Variants in ABCB11 observed in about 807,000 individuals in gnomAD.
The protein encoded by ABCB11 is bile salt export pump.
In ABCB11, 95 loss-of-function variants were observed where a neutral mutation model predicts 148.0. The observed-to-expected ratio is 0.64, with a 90% CI of 0.54 to 0.76. The LOEUF is 0.76. Among genes scored for constraint, ABCB11 ranks in the 30% least tolerant of loss-of-function variants. The probability of loss-of-function intolerance (pLI) is 0.00; values close to 1 mark genes in which losing one functional copy is unlikely to be tolerated. For synonymous variants in ABCB11, 591 were observed against 555.4 expected (o/e 1.06, Z -0.90); for missense variants, 1,523 against 1,617.8 (o/e 0.94, Z 1.01).
chr2:169,007,451 G>A (rs745377094), intron 5 of ABCB11, among the ~76,000 whole-genome samples: 1 of 152,122 alleles, frequency 6.6e-6, no homozygotes, highest in Non-Finnish European at 1.5e-5. Context: ...GTTTAGTTGG[G>A]TCACAATTCT....
intron 21 of ABCB11, among the ~76,000 whole-genome samples, chr2:168,942,328 T>C (rs918723964): frequency 1.3e-5 from 2 of 151,812 alleles, no homozygotes; most frequent in African/African-American, 4.8e-5. Context: ...TGTGTGCATA[T>C]GAATTTCACC....
chr2:169,016,918 ATT>A, intron 2 of ABCB11, 119 bp from the exon 3 acceptor site: 1 of 732,938 alleles, frequency 1.4e-6, no homozygotes, highest in African/African-American at 1.8e-5. Context: ...TTCATGGAAT[ATT>A]AGCAAATGAC....
chr2:168,932,870 G>A (rs930875157), intron 23 of ABCB11, among the ~76,000 whole-genome samples: 1 of 152,116 alleles, frequency 6.6e-6, no homozygotes, highest in Non-Finnish European at 1.5e-5. Context: ...AGCACCTTGG[G>A]AGGCCGAGGC....
At chr2:168,931,937 A>G (rs954969804) in intron 24 of ABCB11, among the ~76,000 whole-genome samples, 2 of 152,234 alleles carry the variant, frequency 1.3e-5, no homozygotes, top group African/African-American at 2.4e-5. Context: ...TTGTATGGCC[A>G]TCCCTAATGG....
rs1694075460 is a variant in ABCB11 at position 168,979,857 on chromosome 2, T to C, written c.1197+9A>G. On this transcript the variant is annotated intron_variant, in intron 11 of 27. Coordinates refer to ENST00000650372, the MANE Select transcript of ABCB11 (RefSeq NM_003742.4). ...CTGTTAATGGCCTTTACTTTTGGCT[T>C]ATACATACCCTGTCTATTGTCTCAA... 1 of 1,590,420 alleles carries C rather than the reference T, an allele frequency of 6.3e-7. No individual in the cohort carries two copies. The highest frequency in any genetic ancestry group is 1.1e-5 in the South Asian group (1 of 89,922).
chr2:168,973,579 T>TC, intron 13 of ABCB11, 136 bp downstream of exon 13: 2 of 1,109,804 alleles, frequency 1.8e-6, no homozygotes, highest in Non-Finnish European at 2.5e-6. Context: ...GTCCCATCAA[T>TC]TCAGTAACAA....
At chr2:168,988,352 A>G (rs1694399131) in intron 9 of ABCB11, among the ~76,000 whole-genome samples, 1 of 152,130 alleles carries the variant, frequency 6.6e-6, no homozygotes, top group East Asian at 1.9e-4. Flanking sequence ...CAGTGAGATC[A>G]TGGGGTATTT....
chr2:168,933,772 T>C (rs541118161), intron 23 of ABCB11, among the ~76,000 whole-genome samples: 2 of 152,304 alleles, frequency 1.3e-5, no homozygotes, highest in African/African-American at 4.8e-5. Context: ...TGAGATGGAG[T>C]CTCACTCTGT....
intron 18 of ABCB11, among the ~76,000 whole-genome samples, chr2:168,958,657 AT>A (rs1478512737): frequency 6.6e-6 from 1 of 151,756 alleles, no homozygotes; most frequent in African/African-American, 2.4e-5. Context: ...GTTTTCCTTA[AT>A]CAGTACCCAG....
intron 1 of ABCB11, among the ~76,000 whole-genome samples, chr2:169,023,921 G>A (rs1393135086): frequency 6.6e-6 from 1 of 152,148 alleles, no homozygotes; most frequent in Non-Finnish European, 1.5e-5. Context: ...ATACGATAAA[G>A]TTGGAAGGAG....
intron 9 of ABCB11, 116 bp downstream of exon 9, chr2:168,990,685 A>T (rs1022253367): frequency 2.3e-6 from 3 of 1,300,150 alleles, no homozygotes; most frequent in Admixed American, 3.7e-5. Context: ...TTGAACAAGT[A>T]CTTCCTCTGG....
intron 9 of ABCB11, among the ~76,000 whole-genome samples, chr2:168,989,155 T>G (rs1694430200): frequency 6.6e-6 from 1 of 152,172 alleles, no homozygotes; most frequent in African/African-American, 2.4e-5. Context: ...TATTTTTGCT[T>G]TTGTTACCTG....
At chr2:169,022,826 T>A (rs1695574546) in intron 1 of ABCB11, among the ~76,000 whole-genome samples, 1 of 151,724 alleles carries the variant, frequency 6.6e-6, no homozygotes, top group African/African-American at 2.4e-5. Flanking sequence ...ATGAAAAAAA[T>A]GAAGCAATGT....
intron 5 of ABCB11, among the ~76,000 whole-genome samples, chr2:169,003,027 T>A (rs1033826463): frequency 6.6e-6 from 1 of 152,058 alleles, no homozygotes; most frequent in Non-Finnish European, 1.5e-5. Context: ...TCTTTGATGG[T>A]GATTTCTGAG....
chr2:168,971,313 T>C (rs537663851), intron 14 of ABCB11, among the ~76,000 whole-genome samples: 123 of 152,172 alleles, frequency 8.1e-4, no homozygotes, highest in African/African-American at 2.8e-3. Flanking sequence ...TAACTCTTCT[T>C]TGACTTAGCA....
At chr2:168,934,083 A>ATATTCTAAATTATTCTAAAAT (rs537834410) in intron 23 of ABCB11, among the ~76,000 whole-genome samples, 2 of 152,128 alleles carry the variant, frequency 1.3e-5, no homozygotes, top group Non-Finnish European at 2.9e-5. Flanking sequence ...TGGCAAAAAA[A>ATATTCTAAATTATTCTAAAAT]TATTCTAAAT....
Position 168,927,230 on chromosome 2 carries a change from C to A in ABCB11, c.3544G>T (p.Glu1182Ter). ...DNIKYGDNTK[E>*]IPMERVIAAA... ...GCTATGACTCTTTCCATGGGAATTTCTTTGGTGTTGTCTCCATACTTGATA... is the reference window on the plus strand; with the variant it reads ...GCTATGACTCTTTCCATGGGAATTTATTTGGTGTTGTCTCCATACTTGATA... Residue 1182 changes from glutamate (E) to a stop codon, truncating the protein, a stop_gained, in exon 26 of 28, where the codon GAA (glutamate) becomes TAA (stop). Coordinates refer to ENST00000650372, the MANE Select transcript of ABCB11 (RefSeq NM_003742.4). LOFTEE classifies it high-confidence loss of function. 6.2e-7 allele frequency: 1 copy of A among 1,613,878 alleles called. No homozygotes were observed. Among genetic ancestry groups the A allele is most frequent in the Non-Finnish European group, 8.5e-7 (1 of 1,179,808 alleles).
chr2:168,972,948 G>T, intron 13 of ABCB11, among the ~76,000 whole-genome samples: 1 of 152,012 alleles, frequency 6.6e-6, no homozygotes, highest in South Asian at 2.1e-4. Context: ...TACCTTTGGG[G>T]GTCATTGTGA....
intron 21 of ABCB11, among the ~76,000 whole-genome samples, chr2:168,943,336 TTGAG>T (rs1251062283): frequency 6.6e-6 from 1 of 151,926 alleles, no homozygotes; most frequent in Non-Finnish European, 1.5e-5. Context: ...TATACACTGA[TTGAG>T]TGATTACATT....
Sources: gnomAD v4.1 joint callset for allele counts (sites outside exome capture counted in the v4.1 genomes callset) on GRCh38, gnomAD v4.1.1 for gene constraint, MANE v1.5 for transcripts, NCBI Gene and HGNC (gene_info 2026-07-23, HGNC 2026-07-21) for gene names.